Variants in TMEM87A observed in about 807,000 individuals in gnomAD.
TMEM87A encodes transmembrane protein 87A, also known as Golgi-pH regulating cation channel.
A neutral mutation model predicts 90.0 loss-of-function variants in TMEM87A; 50 were observed. That is an observed-to-expected ratio of 0.56 (90% CI 0.44 to 0.70). TMEM87A has a LOEUF of 0.70. TMEM87A is among the 30% of genes least tolerant of loss of function. TMEM87A has a pLI of 0.00. For missense variants in TMEM87A, 577 were observed against 660.5 expected, an observed-to-expected ratio of 0.87 and a Z score of 1.39; for synonymous variants, 226 against 226.7, an observed-to-expected ratio of 1.00 and a Z score of 0.03.
intron 11 of TMEM87A, among the ~76,000 whole-genome samples, chr15:42,232,682 C>T (rs1454540800): frequency 1.3e-5 from 2 of 151,742 alleles, no homozygotes; most frequent in African/African-American, 4.8e-5. Context: ...CAGGGTTTCA[C>T]CATGTTAGCC....
intron 6 of TMEM87A, among the ~76,000 whole-genome samples, chr15:42,245,757 C>G (rs896153192): frequency 6.6e-6 from 1 of 152,016 alleles, no homozygotes; most frequent in Non-Finnish European, 1.5e-5. Flanking sequence ...GTCTCGAACT[C>G]CTGACCTCAG....
intron 4 of TMEM87A, among the ~76,000 whole-genome samples, chr15:42,263,609 G>T (rs148239042): frequency 2.0e-5 from 3 of 152,108 alleles, no homozygotes; most frequent in African/African-American, 7.2e-5. Flanking sequence ...TTAGCCAGGC[G>T]TAATGGTGTG....
intron 15 of TMEM87A, among the ~76,000 whole-genome samples, chr15:42,221,859 T>A (rs1364235266): frequency 1.3e-5 from 2 of 152,106 alleles, no homozygotes; most frequent in African/African-American, 2.4e-5. Context: ...CAAGTGATCC[T>A]CCCACCTCAG....
intron 6 of TMEM87A, among the ~76,000 whole-genome samples, chr15:42,254,369 G>T (rs566270611): frequency 2.2e-3 from 342 of 152,224 alleles, no homozygotes; most frequent in African/African-American, 7.9e-3. Flanking sequence ...TTACCCAAAT[G>T]AGTTGAAAAC....
intron 8 of TMEM87A, among the ~76,000 whole-genome samples, chr15:42,238,857 T>C (rs921919071): frequency 6.7e-6 from 1 of 150,020 alleles, no homozygotes; most frequent in South Asian, 2.1e-4. Flanking sequence ...TTAGGATACA[T>C]CTAGAGGCAA....
rs1444729704 is a variant in TMEM87A, at chr15:42,217,803, C to T, written c.1626G>A (p.Glu542=). The change falls in exon 19 of 20, where the codon GAG becomes GAA. Residue 542 remains glutamate (E), a splice_region_variant and synonymous_variant. Coordinates refer to ENST00000389834, the MANE Select transcript of TMEM87A (RefSeq NM_015497.5). ...VALPALLDSD[E]ERMITHFERS... is the part of the protein sequence containing the mutation. ...TTATGCACGTGAATTGAGTACCAAC[C>T]TCATCTGAATCCAGAAGGGCTGGAA... 6.2e-7 allele frequency: 1 copy of T among 1,612,758 alleles called. No individual in the cohort carries two copies. Among genetic ancestry groups the T allele is most frequent in the Non-Finnish European group, 8.5e-7 (1 of 1,179,598 alleles).
chr15:42,269,798 C>T (rs1026011254), intron 2 of TMEM87A, among the ~76,000 whole-genome samples: 3 of 146,430 alleles, frequency 2.0e-5, no homozygotes, highest in South Asian at 2.2e-4. Flanking sequence ...TAGCCGGGCG[C>T]GGTGGCGGGC....
At chr15:42,220,827 T>C (rs942653594) in intron 15 of TMEM87A, among the ~76,000 whole-genome samples, 6 of 152,218 alleles carry the variant, frequency 3.9e-5, no homozygotes, top group African/African-American at 1.4e-4. Context: ...AGTCTCGCTC[T>C]GTCGCCCAGG....
intron 18 of TMEM87A, 199 bp downstream of exon 18, chr15:42,218,124 C>T (rs925846521): frequency 1.5e-6 from 1 of 658,640 alleles, no homozygotes; most frequent in Admixed American, 3.0e-5. Flanking sequence ...TTAAGATATA[C>T]TACATAGCTA....
chr15:42,211,964 G>C (rs746051092), intron 19 of TMEM87A, among the ~76,000 whole-genome samples: 14 of 152,074 alleles, frequency 9.2e-5, no homozygotes, highest in Admixed American at 2.0e-4. Flanking sequence ...TAGGCTTCTG[G>C]ACAGAAAATC....
Position 42,220,078 on chromosome 15 carries a change from C to T in TMEM87A, c.1461G>A (p.Met487Ile), listed in dbSNP as rs1257167626. Residue 487 changes from methionine (M) to isoleucine (I), a missense_variant, in exon 16 of 20, where the codon ATG becomes ATA. Physicochemically the swap from Met to Ile is conservative, Grantham distance 10. Coordinates refer to ENST00000389834, the MANE Select transcript of TMEM87A (RefSeq NM_015497.5). Reference protein sequence around the residue: ...EEEEDEQKEPMLKESFEGMKM... With the variant: ...EEEEDEQKEPILKESFEGMKM... ...TATTATTACCAAAGCTTTCTTTCAG[C>T]ATAGGCTCCTTTTGTTCATCCTCCT... The T allele has an allele frequency of 6.2e-7, 1 of 1,605,920 alleles. No individual in the cohort carries two copies. Among genetic ancestry groups the T allele is most frequent in the South Asian group, 1.1e-5 (1 of 88,830 alleles).
At chr15:42,226,626 T>C (rs1678989) in intron 15 of TMEM87A, 180 bp downstream of exon 15, 555,328 of 574,800 alleles carry the variant, frequency 0.97, 269,294 homozygotes, top group Non-Finnish European at 1. Flanking sequence ...GTGGAGAGGC[T>C]GCATGCCAAA....
chr15:42,221,265 C>CAGACAGAGAGAGAGAG (rs1491577357), intron 15 of TMEM87A, among the ~76,000 whole-genome samples: 1 of 146,358 alleles, frequency 6.8e-6, no homozygotes, highest in East Asian at 2.0e-4. Flanking sequence ...AAAGGAGAGA[C>CAGACAGAGAGAGAGAG]AGAGACAGAG....
chr15:42,237,652 T>C lies in TMEM87A; in HGVS notation c.685-37A>G, dbSNP rs545123517. 2.8e-5 allele frequency: 42 copies of C among 1,510,500 alleles called. No individual in the cohort carries two copies. In the South Asian group the frequency reaches 4.4e-4, roughly 16 times the overall value. 93.6% of individuals were successfully genotyped at this position (1,510,500 alleles called of 1,614,324 possible). ...TTGGGTAAAAGATAAAAAGGAGAAT[T>C]AGGGCCAAGAGCCAAGTCTGTAGAT... On this transcript the variant is annotated intron_variant, in intron 8 of 19. Coordinates refer to ENST00000389834, the MANE Select transcript of TMEM87A (RefSeq NM_015497.5).
intron 16 of TMEM87A, among the ~76,000 whole-genome samples, chr15:42,219,852 A>G (rs1361183579): frequency 6.6e-6 from 1 of 152,170 alleles, no homozygotes; most frequent in Non-Finnish European, 1.5e-5. Flanking sequence ...CAAAATTTTT[A>G]GCTCACTTCT....
At chr15:42,260,827 TTTGGTC>T in intron 6 of TMEM87A, 125 bp downstream of exon 6, 1 of 941,756 alleles carries the variant, frequency 1.1e-6, no homozygotes, top group Non-Finnish European at 1.6e-6. Flanking sequence ...TTTTTAACAT[TTTGGTC>T]TATAGCTTCC....
At chr15:42,213,676 A>G (rs1020298854) in intron 19 of TMEM87A, among the ~76,000 whole-genome samples, 1 of 152,240 alleles carries the variant, frequency 6.6e-6, no homozygotes, top group African/African-American at 2.4e-5. Context: ...TTGGGAATAC[A>G]TATGCAGAAG....
At chr15:42,226,687 C>T (rs1238467577) in intron 15 of TMEM87A, 119 bp downstream of exon 15, 1 of 826,828 alleles carries the variant, frequency 1.2e-6, no homozygotes, top group Non-Finnish European at 1.9e-6. Flanking sequence ...TCTTCTGATT[C>T]CAGGCCCAGT....
intron 6 of TMEM87A, among the ~76,000 whole-genome samples, chr15:42,254,786 T>G (rs1205499316): frequency 6.6e-6 from 1 of 152,194 alleles, no homozygotes; most frequent in Non-Finnish European, 1.5e-5. Context: ...TGAAGATGTC[T>G]TTACACATTT....
Sources: gnomAD v4.1 joint callset for allele counts (sites outside exome capture counted in the v4.1 genomes callset) on GRCh38, gnomAD v4.1.1 for gene constraint, MANE v1.5 for transcripts, NCBI Gene and HGNC (gene_info 2026-07-23, HGNC 2026-07-21) for gene names.